Variants in TRIO observed in about 807,000 individuals in gnomAD.
TRIO encodes trio Rho guanine nucleotide exchange factor.
A neutral mutation model predicts 351.9 loss-of-function variants in TRIO; 58 were observed. The observed-to-expected ratio is 0.16, with a 90% CI of 0.13 to 0.21. The LOEUF (loss-of-function observed/expected upper bound fraction) is 0.21, where lower values mean the gene tolerates loss of function less well. Among genes scored for constraint, TRIO ranks in the 10% least tolerant of loss-of-function variants. TRIO has a pLI of 1.00. For synonymous variants in TRIO, 1,758 were observed against 1,595.7 expected (o/e 1.10, Z -2.42); for missense variants, 3,201 against 4,027.8 (o/e 0.79, Z 5.56).
At chr5:14,294,500 C>G (rs905194858) in intron 6 of TRIO, among the ~76,000 whole-genome samples, 1 of 152,190 alleles carries the variant, frequency 6.6e-6, no homozygotes, top group Non-Finnish European at 1.5e-5. Context: ...TCTGCTATGC[C>G]ACATACTTTA....
At chr5:14,287,654 A>G (rs1362074850) in intron 4 of TRIO, among the ~76,000 whole-genome samples, 9 of 152,124 alleles carry the variant, frequency 5.9e-5, no homozygotes, top group Admixed American at 4.6e-4. Context: ...TTTGCTTCCC[A>G]CTGTAACCTC....
At chr5:14,196,064 T>G (rs1054260253) in intron 1 of TRIO, among the ~76,000 whole-genome samples, 6 of 152,180 alleles carry the variant, frequency 3.9e-5, no homozygotes, top group African/African-American at 1.2e-4. Flanking sequence ...TGGAAAAAAA[T>G]CAGCCATCTA....
Position 14,485,095 on chromosome 5 carries a change from T to C in TRIO, c.6684T>C (p.Asn2228=), listed in dbSNP as rs202233251. Reference sequence around the variant, plus strand: ...TGAGTTGCCTTTGCCTGGAGGAAAATGTGGAAAATGATCCCTGTAAATTTG... The same window carrying C: ...TGAGTTGCCTTTGCCTGGAGGAAAACGTGGAAAATGATCCCTGTAAATTTG... ...IKVSCLCLEE[N]VENDPCKFAL... Residue 2228 remains asparagine (N), a synonymous_variant, in exon 47 of 57, where the codon AAT becomes AAC. Coordinates refer to ENST00000344204, the MANE Select transcript of TRIO (RefSeq NM_007118.4). 5.8e-6 allele frequency: 9 copies of C among 1,541,880 alleles called. No individual in the cohort carries two copies. In the East Asian group the frequency reaches 2.1e-4, roughly 36 times the overall value.
In TRIO at chr5:14,164,442, G is replaced by A. The variant is rs534402544; in HGVS notation, c.157+20560G>A. On this transcript the variant is annotated intron_variant, in intron 1 of 56. Coordinates refer to ENST00000344204, the MANE Select transcript of TRIO (RefSeq NM_007118.4). ...AGATTACCTGGGTATTGAATTGCATGGCTTCAGGAGAGGGTGTTTGGTTCT... is the reference window on the plus strand; with the variant it reads ...AGATTACCTGGGTATTGAATTGCATAGCTTCAGGAGAGGGTGTTTGGTTCT... 2.0e-5 allele frequency among the ~76,000 whole-genome samples: 3 copies of A among 152,314 alleles called. No homozygotes were observed. In the South Asian group the frequency reaches 6.2e-4, roughly 32 times the overall value.
chr5:14,481,109 T>C (rs1755477967), intron 43 of TRIO, 125 bp from the exon 44 acceptor site: 2 of 983,902 alleles, frequency 2.0e-6, no homozygotes, highest in African/African-American at 3.3e-5. Context: ...GAGGATCACT[T>C]GAGGCCAGGA....
intron 8 of TRIO, among the ~76,000 whole-genome samples, chr5:14,308,101 C>T (rs774520183): frequency 6.6e-6 from 1 of 152,110 alleles, no homozygotes; most frequent in Non-Finnish European, 1.5e-5. Context: ...TGGTTCCTTA[C>T]AGTATTGTAT....
chr5:14,325,096 A>G (rs1203541857), intron 9 of TRIO, among the ~76,000 whole-genome samples: 1 of 152,232 alleles, frequency 6.6e-6, no homozygotes, highest in East Asian at 1.9e-4. Context: ...CATGACCATG[A>G]TAGAAAACCA....
intron 34 of TRIO, among the ~76,000 whole-genome samples, chr5:14,435,009 C>T (rs1238539747): frequency 1.3e-5 from 2 of 152,250 alleles, no homozygotes; most frequent in Non-Finnish European, 2.9e-5. Flanking sequence ...GTGCCCTTCT[C>T]CGTGCATCAC....
chr5:14,287,184 G>T, intron 4 of TRIO, 121 bp downstream of exon 4: 1 of 938,814 alleles, frequency 1.1e-6, no homozygotes, highest in South Asian at 1.7e-5. Flanking sequence ...CATATCTTAC[G>T]AACATGTGAT....
intron 35 of TRIO, 51 bp downstream of exon 35, chr5:14,461,362 T>G: frequency 6.9e-7 from 1 of 1,454,930 alleles, no homozygotes; most frequent in Non-Finnish European, 9.0e-7. Flanking sequence ...CCGCTGGGCT[T>G]TTGCTGCAAG....
chr5:14,364,730 C>A lies in TRIO; in HGVS notation c.2668C>A (p.Gln890Lys). ...GCTGGAGTTTCTTCATGAAAAACAGCAGGAATTGGATTTAGCCGCAGAGCA... is the reference window on the plus strand; with the variant it reads ...GCTGGAGTTTCTTCATGAAAAACAGAAGGAATTGGATTTAGCCGCAGAGCA... ...DLLEFLHEKQ[Q>K]ELDLAAEQHR... is the part of the protein sequence containing the mutation. Residue 890 changes from glutamine to lysine, a missense_variant, in exon 15 of 57, where the codon CAG (glutamine) becomes AAG (lysine). By Grantham distance (53) the Gln-to-Lys change is moderately conservative (BLOSUM62 1). This residue lies in a region of TRIO where 363 missense variants were observed against 553.5 expected (regional missense o/e 0.66). Transcript: ENST00000344204. 1 of 1,613,178 alleles carries A rather than the reference C, an allele frequency of 6.2e-7. No homozygotes were observed. The highest frequency in any genetic ancestry group is 2.2e-5 in the East Asian group (1 of 44,878).
At chr5:14,488,493 A>C in intron 48 of TRIO, 1 of 580,262 alleles carries the variant, frequency 1.7e-6, no homozygotes, top group Non-Finnish European at 2.9e-6. Flanking sequence ...AACCTTCTCA[A>C]CGCAGCGTCT....
chr5:14,502,025 T>C (rs1757329474), intron 53 of TRIO, among the ~76,000 whole-genome samples: 2 of 152,230 alleles, frequency 1.3e-5, no homozygotes, highest in Non-Finnish European at 2.9e-5. Flanking sequence ...GGCACTTTTA[T>C]AATAAAATCC....
intron 1 of TRIO, among the ~76,000 whole-genome samples, chr5:14,182,318 A>G (rs968722029): frequency 1.6e-4 from 24 of 152,196 alleles, no homozygotes; most frequent in African/African-American, 5.8e-4. Context: ...CTCTTAGCTG[A>G]GAAAGCATCT....
chr5:14,277,437 G>A (rs1234966046), intron 2 of TRIO, among the ~76,000 whole-genome samples: 9 of 152,160 alleles, frequency 5.9e-5, no homozygotes, highest in Non-Finnish European at 1.0e-4. Flanking sequence ...TCCATACATA[G>A]ACATCCTGTG....
chr5:14,300,459 T>C (rs1007654828), intron 7 of TRIO, among the ~76,000 whole-genome samples: 2 of 152,228 alleles, frequency 1.3e-5, no homozygotes, highest in African/African-American at 4.8e-5. Flanking sequence ...GCTGCTGTAA[T>C]TGACAGCACA....
At chr5:14,206,253 G>C (rs531814103) in intron 1 of TRIO, among the ~76,000 whole-genome samples, 16 of 152,188 alleles carry the variant, frequency 1.1e-4, no homozygotes, top group Admixed American at 2.6e-4. Context: ...GTAGAGATGG[G>C]TCTCACTGTG....
chr5:14,378,564 C>G (rs370606310), intron 20 of TRIO, among the ~76,000 whole-genome samples: 1 of 144,558 alleles, frequency 6.9e-6, no homozygotes, highest in East Asian at 2.0e-4. Context: ...TTTTCTGTTT[C>G]TTTTTTTTTT....
At position 14,497,394 on chromosome 5, in the gene TRIO, G is replaced by C. The variant is rs1484686477; in HGVS notation, c.8019+377G>C. ...AAGCCAAGGGGAAGTGGCTAGATGT[G>C]GGGGTGCATATGGGCTCTCTGGCTG... On this transcript the variant is annotated intron_variant, in intron 50 of 56. Transcript: ENST00000344204. This position sits in a 1 kb window ranked among gnomAD's most constrained non-coding sequence, Gnocchi z 4.4. Among the ~76,000 whole-genome samples the C allele has an allele frequency of 6.6e-6, 1 of 152,208 alleles. No individual in the cohort carries two copies. Among genetic ancestry groups the C allele is most frequent in the Non-Finnish European group, 1.5e-5 (1 of 68,026 alleles).
Sources: allele counts gnomAD v4.1 joint callset (sites outside exome capture counted in the v4.1 genomes callset), GRCh38; gene constraint gnomAD v4.1.1; regional missense constraint gnomAD v4.1.1; non-coding constraint Gnocchi (gnomAD v3.1); transcripts MANE v1.5; gene names NCBI Gene and HGNC (gene_info 2026-07-23, HGNC 2026-07-21).